Variants in CNBD1 observed in about 807,000 individuals in gnomAD.
The protein encoded by CNBD1 is cyclic nucleotide-binding domain-containing protein 1.
Under a neutral mutation model 54.4 loss-of-function variants are expected in CNBD1, and 71 were observed. The ratio of observed to expected loss-of-function variants is 1.30; its 90% CI spans 1.08 to 1.59. CNBD1 has a LOEUF of 1.59. Among genes scored for constraint, CNBD1 ranks in the 40% most tolerant of loss-of-function variants. The pLI, the probability that CNBD1 is intolerant of heterozygous loss-of-function variation, is 0.00. For synonymous variants in CNBD1, 182 were observed against 170.7 expected, an observed-to-expected ratio of 1.07 and a Z score of -0.51; for missense variants, 659 against 518.0, an observed-to-expected ratio of 1.27 and a Z score of -2.64.
chr8:87,038,364 C>G (rs1330324832), intron 4 of CNBD1, among the ~76,000 whole-genome samples: 1 of 152,146 alleles, frequency 6.6e-6, no homozygotes, highest in East Asian at 1.9e-4. Context: ...AGTTATTACA[C>G]AAATCAATTT....
chr8:87,135,838 A>G (rs116061607), intron 4 of CNBD1, among the ~76,000 whole-genome samples: 2,526 of 151,964 alleles, frequency 0.017, 71 homozygotes, highest in African/African-American at 0.058. Context: ...GTTAAAAGTT[A>G]TATAATCTTA....
intron 4 of CNBD1, among the ~76,000 whole-genome samples, chr8:86,963,956 G>A (rs555760094): frequency 6.6e-6 from 1 of 152,158 alleles, no homozygotes; most frequent in Non-Finnish European, 1.5e-5. Context: ...CAGTTGACAG[G>A]TGCATTGTGA....
At chr8:86,927,681 G>A (rs1260205952) in intron 3 of CNBD1, among the ~76,000 whole-genome samples, 1 of 152,160 alleles carries the variant, frequency 6.6e-6, no homozygotes, top group Non-Finnish European at 1.5e-5. Context: ...AAAGAGTATG[G>A]TTAGTATACT....
At chr8:87,277,172 G>A (rs1328412792) in intron 6 of CNBD1, among the ~76,000 whole-genome samples, 1 of 151,556 alleles carries the variant, frequency 6.6e-6, no homozygotes, top group African/African-American at 2.4e-5. Context: ...AAAATCTGCA[G>A]AGGTGATGTC....
chr8:86,913,501 G>T (rs972644114), intron 3 of CNBD1, among the ~76,000 whole-genome samples: 3 of 152,118 alleles, frequency 2.0e-5, no homozygotes, highest in African/African-American at 4.8e-5. Context: ...ACAAAAGAGA[G>T]AAATTTTAAA....
At chr8:87,230,191 C>T (rs549037497) in intron 5 of CNBD1, among the ~76,000 whole-genome samples, 5 of 152,176 alleles carry the variant, frequency 3.3e-5, no homozygotes, top group South Asian at 2.1e-4. Flanking sequence ...AGAACAGCAT[C>T]GAGAGGATGG....
intron 4 of CNBD1, among the ~76,000 whole-genome samples, chr8:86,964,814 T>A (rs1808028336): frequency 6.6e-6 from 1 of 152,088 alleles, no homozygotes; most frequent in Non-Finnish European, 1.5e-5. Context: ...CCTTGCAGCC[T>A]CTCCTGAGAT....
At chr8:87,397,106 C>T (rs1811421297) in intron 2 of CNBD1, among the ~76,000 whole-genome samples, 1 of 151,834 alleles carries the variant, frequency 6.6e-6, no homozygotes, top group Admixed American at 6.6e-5. Flanking sequence ...GCTCATTTTA[C>T]AGTACCAGCT....
chr8:87,044,426 G>A (rs1810138466), intron 4 of CNBD1: 1 of 152,050 alleles, frequency 6.6e-6, no homozygotes, highest in Non-Finnish European at 1.5e-5. Flanking sequence ...GTGGTCTCAT[G>A]ACCGAGAATA....
intron 2 of CNBD1, among the ~76,000 whole-genome samples, chr8:87,405,669 A>G (rs561724040): frequency 6.4e-4 from 97 of 152,258 alleles, no homozygotes; most frequent in South Asian, 1.2e-3. Context: ...TGTCATAGGC[A>G]TTATTCATAC....
intron 8 of CNBD1, among the ~76,000 whole-genome samples, chr8:87,331,186 A>G (rs2130910174): frequency 6.6e-6 from 1 of 152,224 alleles, no homozygotes; most frequent in South Asian, 2.1e-4. Flanking sequence ...GACATGCATT[A>G]GCTATCTGTC....
At chr8:87,047,911 T>G (rs1295448916) in intron 4 of CNBD1, among the ~76,000 whole-genome samples, 1 of 152,164 alleles carries the variant, frequency 6.6e-6, no homozygotes, top group African/African-American at 2.4e-5. Context: ...GGGATTGAGT[T>G]AGATGGGTAG....
At chr8:86,945,299 A>T (rs1461325369) in intron 4 of CNBD1, among the ~76,000 whole-genome samples, 1 of 152,146 alleles carries the variant, frequency 6.6e-6, no homozygotes. Flanking sequence ...CCAATTAACG[A>T]TGTTTCCTTT....
chr8:86,941,724 C>T lies in CNBD1; in HGVS notation c.431+1970C>T, dbSNP rs115194142. On this transcript the variant is annotated intron_variant, in intron 4 of 10. Transcript: ENST00000518476. The stretch of plus-strand genomic sequence containing the variant: ...GTACCTTCTTAACAGTGGACTACCG[C>T]GAAAAGCAGGAGCCATGGTAGAAGG... Among the ~76,000 whole-genome samples, 425 of 152,206 alleles carry T rather than the reference C, an allele frequency of 2.8e-3. 1 individual carries two copies. The highest frequency in any genetic ancestry group is 9.7e-3 in the African/African-American group (403 of 41,522).
At chr8:87,269,548 C>A (rs543128337) in intron 6 of CNBD1, among the ~76,000 whole-genome samples, 2 of 152,118 alleles carry the variant, frequency 1.3e-5, no homozygotes, top group Admixed American at 1.3e-4. Flanking sequence ...TTGCTATCCA[C>A]GAGCATGGAA....
At chr8:87,102,342 A>T (rs1445405035) in intron 4 of CNBD1, among the ~76,000 whole-genome samples, 1 of 152,182 alleles carries the variant, frequency 6.6e-6, no homozygotes, top group Admixed American at 6.5e-5. Flanking sequence ...ATGTGTAAAG[A>T]TACTGGAAGA....
chr8:87,390,788 A>G (rs1003921227), intron 2 of CNBD1, among the ~76,000 whole-genome samples: 1 of 152,204 alleles, frequency 6.6e-6, no homozygotes, highest in African/African-American at 2.4e-5. Flanking sequence ...AGACACATGC[A>G]CACATATGTT....
intron 10 of CNBD1, among the ~76,000 whole-genome samples, chr8:87,378,053 G>C (rs1453804352): frequency 2.1e-5 from 3 of 140,678 alleles, no homozygotes; most frequent in African/African-American, 8.0e-5. Context: ...CTGGATATTA[G>C]CCCTTTGTCA....
intron 10 of CNBD1, among the ~76,000 whole-genome samples, chr8:87,379,774 A>ATT (rs1400381071): frequency 6.6e-6 from 1 of 151,964 alleles, no homozygotes; most frequent in African/African-American, 2.4e-5. Context: ...TTTTATATAT[A>ATT]AAAAATGAAA....
Sources: allele counts gnomAD v4.1 joint callset (sites outside exome capture counted in the v4.1 genomes callset), GRCh38; gene constraint gnomAD v4.1.1; transcripts MANE v1.5; gene names NCBI Gene and HGNC (gene_info 2026-07-23, HGNC 2026-07-21).